The following TDRD9 variants were observed in gnomAD, a reference collection of about 807,000 sequenced individuals.
TDRD9 encodes the protein tudor domain containing 9.
TDRD9 carries 124 observed loss-of-function variants against 172.6 expected under a neutral mutation model. The ratio of observed to expected loss-of-function variants is 0.72; its 90% CI spans 0.62 to 0.83. The LOEUF is 0.83. Among genes scored for constraint, TDRD9 ranks in the 40% least tolerant of loss-of-function variants. TDRD9 has a pLI of 0.00. For missense variants in TDRD9, 1,479 were observed against 1,714.1 expected (o/e 0.86, Z 2.42); for synonymous variants, 619 against 617.1 (o/e 1.00, Z -0.05).
intron 20 of TDRD9, among the ~76,000 whole-genome samples, chr14:104,010,737 T>C (rs1468851622): frequency 6.6e-6 from 1 of 151,896 alleles, no homozygotes; most frequent in Admixed American, 6.6e-5. Context: ...CACTGGAGGG[T>C]TGGTTTCAGG....
Position 104,042,172 on chromosome 14 carries a change from G to T in TDRD9, c.3959G>T (p.Arg1320Leu), listed in dbSNP as rs571854129. ...ERVAQLQDIA[R>L]QKLLGLFCQS... is the part of the protein sequence containing the mutation. ...GTTGCGCAGCTTCAAGACATTGCCC[G>T]TCAGAAGCTTTTAGGGTAAGCTGTG... is the stretch of plus-strand genomic sequence containing the variant. The change falls in exon 34 of 36, where the codon CGT becomes CTT. Residue 1320 changes from arginine (R) to leucine (L), a missense_variant. Transcript: ENST00000409874. 6.2e-7 allele frequency: 1 copy of T among 1,611,608 alleles called. No homozygotes were observed. The highest frequency in any genetic ancestry group is 1.1e-5 in the South Asian group (1 of 90,994).
intron 7 of TDRD9, among the ~76,000 whole-genome samples, chr14:103,981,060 A>G (rs1957517): frequency 0.38 from 58,375 of 152,042 alleles, 11,421 homozygotes; most frequent in African/African-American, 0.43. Flanking sequence ...CTTATTTTAT[A>G]TATTTTATTA....
intron 20 of TDRD9, among the ~76,000 whole-genome samples, chr14:104,014,246 A>T (rs202186790): frequency 0.32 from 47,598 of 148,156 alleles, 7,943 homozygotes; most frequent in Middle Eastern, 0.37. Flanking sequence ...AAAAAAAAAA[A>T]AAAAGATAAT....
chr14:103,975,623 C>T (rs1163371328), intron 7 of TDRD9, 70 bp downstream of exon 7: 4 of 1,432,546 alleles, frequency 2.8e-6, no homozygotes, highest in East Asian at 4.9e-5. Flanking sequence ...GCATTCATCA[C>T]CTATGATTGT....
intron 7 of TDRD9, among the ~76,000 whole-genome samples, chr14:103,985,443 C>T (rs2152186944): frequency 6.6e-6 from 1 of 152,320 alleles, no homozygotes; most frequent in East Asian, 1.9e-4. Flanking sequence ...TGTGAGGCTT[C>T]CCCAGCCATG....
At chr14:104,016,501 C>T (rs1487969298) in intron 22 of TDRD9, among the ~76,000 whole-genome samples, 1 of 152,188 alleles carries the variant, frequency 6.6e-6, no homozygotes, top group Non-Finnish European at 1.5e-5. Flanking sequence ...GGATGCCCAA[C>T]AGAACTACCT....
At chr14:103,995,311 G>A (rs1186204432) in intron 11 of TDRD9, among the ~76,000 whole-genome samples, 1 of 152,176 alleles carries the variant, frequency 6.6e-6, no homozygotes, top group Non-Finnish European at 1.5e-5. Context: ...AGCTGCTTGA[G>A]GTGATCAGGG....
At chr14:103,960,653 G>A (rs909595371) in intron 2 of TDRD9, among the ~76,000 whole-genome samples, 3 of 151,940 alleles carry the variant, frequency 2.0e-5, no homozygotes, top group Admixed American at 6.6e-5. Flanking sequence ...GGCAGTGTAC[G>A]CGGAGGCAGG....
intron 4 of TDRD9, 34 bp from the exon 5 acceptor site, chr14:103,966,675 T>TTTTTTCCTTTCC: frequency 6.7e-7 from 1 of 1,493,680 alleles, no homozygotes; most frequent in East Asian, 2.5e-5. Flanking sequence ...TTTTTTTCTC[T>TTTTTTCCTTTCC]TTTTTCCTTT....
At chr14:104,026,223 C>T (rs914717540) in intron 27 of TDRD9, 87 bp downstream of exon 27, 15 of 912,604 alleles carry the variant, frequency 1.6e-5, no homozygotes, top group African/African-American at 4.9e-5. Context: ...TGCCCTGCCT[C>T]GGCTTACAGC....
chr14:103,960,902 T>G (rs910804941), intron 2 of TDRD9, among the ~76,000 whole-genome samples: 1 of 152,206 alleles, frequency 6.6e-6, no homozygotes, highest in Non-Finnish European at 1.5e-5. Flanking sequence ...CTTGAAGTCT[T>G]TTAGCAAAAC....
intron 24 of TDRD9, 53 bp downstream of exon 24, chr14:104,022,383 G>C (rs1370884797): frequency 1.9e-6 from 3 of 1,562,252 alleles, no homozygotes; most frequent in East Asian, 4.5e-5. Context: ...CACATTCTCA[G>C]GTGCTATTTT....
intron 19 of TDRD9, 101 bp downstream of exon 19, chr14:104,007,305 C>G: frequency 2.6e-6 from 3 of 1,160,010 alleles, no homozygotes; most frequent in Non-Finnish European, 3.7e-6. Context: ...ACGGTGCCAC[C>G]TGCGGCTGGA....
At chr14:103,937,663 T>C (rs960440614) in intron 1 of TDRD9, among the ~76,000 whole-genome samples, 1 of 152,204 alleles carries the variant, frequency 6.6e-6, no homozygotes, top group African/African-American at 2.4e-5. Flanking sequence ...GATTTCTGGC[T>C]TGTAGAGTTG....
chr14:103,965,837 C>T (rs1036964518), intron 4 of TDRD9, among the ~76,000 whole-genome samples: 3 of 151,374 alleles, frequency 2.0e-5, no homozygotes, highest in Non-Finnish European at 4.4e-5. Context: ...CCCAGCTACT[C>T]GGGAGGCTGT....
chr14:104,005,085 A>G (rs187619863), intron 14 of TDRD9, 189 bp from the exon 15 acceptor site: 147 of 382,786 alleles, frequency 3.8e-4, no homozygotes, highest in African/African-American at 3.5e-3. Flanking sequence ...TTATTTTTCC[A>G]TCTCTTTCTC....
Position 104,031,325 on chromosome 14 carries a change from A to G in TDRD9, c.3438+62A>G, listed in dbSNP as rs2035273235. On this transcript the variant is annotated intron_variant, in intron 29 of 35. Transcript: ENST00000409874. ...TAGTATCATTTTACATTTATGTGCT[A>G]GGAGTTGTAGTCAGTAGTCATGGTG... 1.2e-5 allele frequency: 17 copies of G among 1,434,552 alleles called. No homozygotes were observed. In the East Asian group the frequency reaches 4.2e-4, roughly 36 times the overall value. 88.9% of individuals were successfully genotyped at this position (1,434,552 alleles called of 1,614,324 possible).
chr14:104,010,092 T>A (rs964206193), intron 20 of TDRD9, among the ~76,000 whole-genome samples: 5 of 151,888 alleles, frequency 3.3e-5, no homozygotes, highest in Non-Finnish European at 5.9e-5. Context: ...ATTACAGGTG[T>A]GCGTCACCAC....
At chr14:104,040,172 C>A in intron 32 of TDRD9, 24 bp from the exon 33 acceptor site, 2 of 1,399,498 alleles carry the variant, frequency 1.4e-6, no homozygotes, top group Non-Finnish European at 1.9e-6. Context: ...AAATAATGGA[C>A]TCTTCTGAAA....
Sources: gnomAD v4.1 joint callset for allele counts (sites outside exome capture counted in the v4.1 genomes callset) on GRCh38, gnomAD v4.1.1 for gene constraint, MANE v1.5 for transcripts, NCBI Gene and HGNC (gene_info 2026-07-23, HGNC 2026-07-21) for gene names.